The following EVL variants were observed in gnomAD, a reference collection of about 807,000 sequenced individuals.
EVL encodes Enah/Vasp-like.
Under a neutral mutation model 59.6 loss-of-function variants are expected in EVL, and 21 were observed. That is an observed-to-expected ratio of 0.35 (90% CI 0.25 to 0.51). The LOEUF is 0.51. Ranked by LOEUF, EVL falls within the 20% of genes least tolerant of loss-of-function variation. EVL has a pLI of 0.97. For missense variants in EVL, 462 were observed against 546.6 expected (o/e 0.85, Z 1.54); for synonymous variants, 198 against 203.5 (o/e 0.97, Z 0.23).
chr14:100,032,000 C>G (rs970853345), intron 1 of EVL, among the ~76,000 whole-genome samples: 1 of 152,216 alleles, frequency 6.6e-6, no homozygotes, highest in African/African-American at 2.4e-5. Flanking sequence ...AGTTACCACT[C>G]TTATTCATTT....
At chr14:100,036,553 T>C (rs957141225) in intron 1 of EVL, among the ~76,000 whole-genome samples, 2 of 151,394 alleles carry the variant, frequency 1.3e-5, no homozygotes, top group Non-Finnish European at 3.0e-5. Context: ...CCCATAAACC[T>C]TTTTTTTTGT....
intron 1 of EVL, among the ~76,000 whole-genome samples, chr14:100,084,051 TC>T (rs775584049): frequency 5.2e-5 from 7 of 133,934 alleles, no homozygotes; most frequent in African/African-American, 1.9e-4. Flanking sequence ...TCTCTCTCTC[TC>T]TTTTTTTTTT....
At chr14:99,991,836 C>T (rs1000158860) in intron 1 of EVL, among the ~76,000 whole-genome samples, 6 of 152,024 alleles carry the variant, frequency 3.9e-5, no homozygotes, top group Admixed American at 3.9e-4. Flanking sequence ...AGTAAGGCTT[C>T]CAGTCAACAG....
At chr14:100,046,500 C>CT (rs1451406695) in intron 1 of EVL, among the ~76,000 whole-genome samples, 1 of 151,930 alleles carries the variant, frequency 6.6e-6, no homozygotes, top group Non-Finnish European at 1.5e-5. Flanking sequence ...AACCCTCTCT[C>CT]TAAAAAAAAT....
intron 1 of EVL, among the ~76,000 whole-genome samples, chr14:100,005,571 C>T (rs543917531): frequency 7.5e-4 from 114 of 151,138 alleles, no homozygotes; most frequent in African/African-American, 2.5e-3. Flanking sequence ...AGAAAACTCT[C>T]GCTCAAAAAA....
intron 3 of EVL, chr14:100,106,669 A>G (rs1226132872): frequency 7.6e-6 from 3 of 397,138 alleles, no homozygotes; most frequent in Non-Finnish European, 1.3e-5. Context: ...TGCAAGGATC[A>G]TTACAAAACA....
At chr14:99,979,512 T>C (rs2060792789) in intron 1 of EVL, among the ~76,000 whole-genome samples, 1 of 152,194 alleles carries the variant, frequency 6.6e-6, no homozygotes, top group South Asian at 2.1e-4. Context: ...GTTGGCCCTC[T>C]GTGTCTGTCG....
At chr14:100,041,346 C>T (rs777024567) in intron 1 of EVL, among the ~76,000 whole-genome samples, 5 of 152,144 alleles carry the variant, frequency 3.3e-5, no homozygotes, top group Non-Finnish European at 7.4e-5. Flanking sequence ...TGTAACATCC[C>T]TGTTTACTTC....
rs762301721 is a variant in EVL, at chr14:100,097,535, A to G, written c.235A>G (p.Thr79Ala). 3.7e-6 allele frequency: 6 copies of G among 1,613,994 alleles called. No homozygotes were observed. ...KGLKYNQATP[T>A]FHQWRDARQV... Reference sequence around the variant, plus strand: ...GCTGAAGTACAATCAGGCCACGCCAACCTTCCACCAGTGGCGAGATGCCCG... The same window carrying G: ...GCTGAAGTACAATCAGGCCACGCCAGCCTTCCACCAGTGGCGAGATGCCCG... Residue 79 changes from threonine (T) to alanine (A), a missense_variant, in exon 3 of 14, where the codon ACC (threonine) becomes GCC (alanine). Thr to Ala is a moderately conservative substitution (Grantham distance 58). Coordinates refer to ENST00000392920, the MANE Select transcript of EVL (RefSeq NM_016337.3).
intron 1 of EVL, among the ~76,000 whole-genome samples, chr14:100,033,267 A>G (rs937280736): frequency 3.3e-5 from 5 of 152,244 alleles, no homozygotes; most frequent in African/African-American, 1.2e-4. Context: ...TTCCTATACA[A>G]ACAAGGTAAC....
At chr14:100,068,093 A>C (rs147789085) in intron 1 of EVL, among the ~76,000 whole-genome samples, 1 of 152,164 alleles carries the variant, frequency 6.6e-6, no homozygotes, top group Admixed American at 6.5e-5. Flanking sequence ...TATAGTCAAG[A>C]AACCATCAAC....
chr14:100,124,284 T>C (rs1479958629), intron 4 of EVL, among the ~76,000 whole-genome samples: 1 of 152,214 alleles, frequency 6.6e-6, no homozygotes, highest in Non-Finnish European at 1.5e-5. Flanking sequence ...TGCAGCTCTC[T>C]GTGGCTACAC....
intron 1 of EVL, among the ~76,000 whole-genome samples, chr14:100,049,412 A>G (rs1247516572): frequency 3.9e-5 from 6 of 152,128 alleles, no homozygotes; most frequent in African/African-American, 1.4e-4. Flanking sequence ...TTTTGTCAGC[A>G]GCGCCCTTGC....
intron 1 of EVL, among the ~76,000 whole-genome samples, chr14:100,084,432 C>T (rs74084485): frequency 0.1 from 15,793 of 152,172 alleles, 1,540 homozygotes; most frequent in African/African-American, 0.25. Context: ...AGCAACTTCT[C>T]CCCTGAAAAC....
chr14:99,984,145 G>A (rs556577798), intron 1 of EVL, among the ~76,000 whole-genome samples: 16 of 152,282 alleles, frequency 1.1e-4, no homozygotes, highest in Admixed American at 5.9e-4. Flanking sequence ...CCCCCAAATC[G>A]TAGAAGCTAG....
intron 1 of EVL, among the ~76,000 whole-genome samples, chr14:100,002,684 A>T (rs901116216): frequency 6.6e-6 from 1 of 152,262 alleles, no homozygotes; most frequent in African/African-American, 2.4e-5. Context: ...GACATAATTT[A>T]TAACTTGATT....
At chr14:100,122,203 T>G (rs1887744423) in intron 3 of EVL, among the ~76,000 whole-genome samples, 1 of 152,216 alleles carries the variant, frequency 6.6e-6, no homozygotes, top group South Asian at 2.1e-4. Flanking sequence ...CTTATGAGTC[T>G]GCCACATTCA....
chr14:100,008,216 C>G (rs2060995695), intron 1 of EVL, among the ~76,000 whole-genome samples: 1 of 152,164 alleles, frequency 6.6e-6, no homozygotes, highest in Non-Finnish European at 1.5e-5. Flanking sequence ...GGGGCGGGAT[C>G]TGAGATTTTT....
intron 5 of EVL, 106 bp downstream of exon 5, chr14:100,126,877 T>C (rs1888109424): frequency 1.8e-6 from 2 of 1,084,050 alleles, no homozygotes; most frequent in South Asian, 2.9e-5. Context: ...TGAGCAGCTA[T>C]GGGGAGCCTA....
Sources: gnomAD v4.1 joint callset for allele counts (sites outside exome capture counted in the v4.1 genomes callset) on GRCh38, gnomAD v4.1.1 for gene constraint, MANE v1.5 for transcripts, NCBI Gene and HGNC (gene_info 2026-07-23, HGNC 2026-07-21) for gene names.